SLC9A9: variants seen among roughly 807,000 people sequenced by gnomAD.
The protein encoded by SLC9A9 is sodium/hydrogen exchanger 9.
In SLC9A9, 62 loss-of-function variants were observed where a neutral mutation model predicts 77.8. The observed-to-expected ratio is 0.80, with a 90% CI of 0.65 to 0.98. The LOEUF (loss-of-function observed/expected upper bound fraction) is 0.98. Ranked by LOEUF, SLC9A9 falls within the 50% of genes least tolerant of loss-of-function variation. The pLI, the probability that SLC9A9 is intolerant of heterozygous loss-of-function variation, is 0.00. For synonymous variants in SLC9A9, 320 were observed against 283.5 expected (o/e 1.13, Z -1.29); for missense variants, 775 against 774.9 (o/e 1.00, Z 0.00).
At chr3:143,705,655 G>T (rs1390733876) in intron 4 of SLC9A9, among the ~76,000 whole-genome samples, 1 of 152,110 alleles carries the variant, frequency 6.6e-6, no homozygotes, top group Admixed American at 6.6e-5. Flanking sequence ...TCAGCTAAAA[G>T]GTCTTTTATG....
Position 143,574,178 on chromosome 3 carries a change from T to G in SLC9A9, c.910A>C (p.Lys304Gln). The G allele has an allele frequency of 6.2e-7, 1 of 1,613,042 alleles. No homozygotes were observed. The highest frequency in any genetic ancestry group is 8.5e-7 in the Non-Finnish European group (1 of 1,179,368). ...TCCAGCATCGGGAACTCACACAGCT[T>G]GGTAAATTTGGTCAAGTGAGGAAGA... Reference protein sequence around the residue: ...IITALLTKFTKLCEFPMLETG... With the variant: ...IITALLTKFTQLCEFPMLETG... Residue 304 changes from lysine (K) to glutamine (Q), a missense_variant, in exon 8 of 16, where the codon AAG becomes CAG. Coordinates refer to ENST00000316549, the MANE Select transcript of SLC9A9 (RefSeq NM_173653.4).
intron 12 of SLC9A9, among the ~76,000 whole-genome samples, chr3:143,413,780 CTGTGTGTGTGTGTG>C (rs3068538): frequency 1.5e-4 from 23 of 150,310 alleles, no homozygotes; most frequent in African/African-American, 4.2e-4. Flanking sequence ...GTATTATTAA[CTGTGTGTGTGTGTG>C]TGTGTGTGTG....
At chr3:143,386,602 T>C (rs2033432619) in intron 12 of SLC9A9, among the ~76,000 whole-genome samples, 1 of 152,226 alleles carries the variant, frequency 6.6e-6, no homozygotes, top group Non-Finnish European at 1.5e-5. Flanking sequence ...TTAGCAGCTA[T>C]TATTGATATT....
chr3:143,269,862 C>A (rs1305534203), intron 14 of SLC9A9, among the ~76,000 whole-genome samples: 1 of 152,104 alleles, frequency 6.6e-6, no homozygotes, highest in Non-Finnish European at 1.5e-5. Context: ...CATGAAGATC[C>A]GCAGCTGTGC....
intron 8 of SLC9A9, among the ~76,000 whole-genome samples, chr3:143,557,794 A>G (rs2037012797): frequency 6.6e-6 from 1 of 152,244 alleles, no homozygotes; most frequent in Non-Finnish European, 1.5e-5. Context: ...CTAAGCAGCA[A>G]AGCATTCAAG....
intron 8 of SLC9A9, among the ~76,000 whole-genome samples, chr3:143,562,608 T>C (rs1373225383): frequency 6.6e-6 from 1 of 151,636 alleles, no homozygotes; most frequent in Non-Finnish European, 1.5e-5. Context: ...TTGCATGTTT[T>C]GTTAGGCCTA....
chr3:143,284,070 A>C (rs1938305558), intron 14 of SLC9A9, among the ~76,000 whole-genome samples: 1 of 150,926 alleles, frequency 6.6e-6, no homozygotes, highest in East Asian at 1.9e-4. Flanking sequence ...TAAGTCACAG[A>C]TCCAGATTTA....
Position 143,315,327 on chromosome 3 carries a change from G to T in SLC9A9, c.1605-46347C>A, listed in dbSNP as rs144363478. ...AAAATTAGATCTTTGCAGAGATAGA[G>T]TTGGCTCATCCTGACAGGGCTGATG... On this transcript the variant is annotated intron_variant, in intron 14 of 15. Transcript: ENST00000316549. 5.3e-5 allele frequency among the ~76,000 whole-genome samples: 8 copies of T among 152,352 alleles called. No individual in the cohort carries two copies. The East Asian group carries it at 1.5e-3, about 29-fold the overall frequency.
At position 143,326,551 on chromosome 3, in the gene SLC9A9, G is replaced by A. The variant is rs937821647; in HGVS notation, c.1604+36933C>T. Among the ~76,000 whole-genome samples, 18 of 151,908 alleles carry A rather than the reference G, an allele frequency of 1.2e-4. No homozygotes were observed. In the Middle Eastern group the frequency reaches 0.01, roughly 86 times the overall value. On this transcript the variant is annotated intron_variant, in intron 14 of 15. Transcript: ENST00000316549. ...ACGTGCCCCCTCCCCCCAGGCCTTT[G>A]CATGTGCTGGTCCTTCTGCATGGGA...
chr3:143,575,418 G>A (rs1435169897), intron 7 of SLC9A9, among the ~76,000 whole-genome samples: 5 of 152,160 alleles, frequency 3.3e-5, no homozygotes, highest in Non-Finnish European at 7.4e-5. Context: ...TCAGAGGTCT[G>A]TAAACTAGTT....
intron 9 of SLC9A9, among the ~76,000 whole-genome samples, chr3:143,498,893 TA>T (rs1033828141): frequency 3.9e-5 from 6 of 152,204 alleles, no homozygotes; most frequent in African/African-American, 7.2e-5. Context: ...TTAGTTCATT[TA>T]AAAAATTATA....
intron 2 of SLC9A9, among the ~76,000 whole-genome samples, chr3:143,825,549 T>C (rs1360364743): frequency 6.6e-6 from 1 of 152,220 alleles, no homozygotes; most frequent in Admixed American, 6.5e-5. Context: ...AGCTCTAAAA[T>C]ATGTAGTATT....
intron 9 of SLC9A9, among the ~76,000 whole-genome samples, chr3:143,506,768 A>G (rs1016458578): frequency 6.6e-5 from 10 of 152,068 alleles, no homozygotes; most frequent in South Asian, 2.1e-4. Context: ...CAGTAAATCT[A>G]ATAGTACTGG....
chr3:143,473,827 T>C (rs1460856588), intron 11 of SLC9A9, among the ~76,000 whole-genome samples: 1 of 152,230 alleles, frequency 6.6e-6, no homozygotes, highest in Non-Finnish European at 1.5e-5. Flanking sequence ...CGAACTACTG[T>C]AGTGGTTTCA....
At chr3:143,402,763 T>C (rs992898329) in intron 12 of SLC9A9, among the ~76,000 whole-genome samples, 51 of 63,034 alleles carry the variant, frequency 8.1e-4, no homozygotes, top group African/African-American at 2.4e-3. Context: ...GTGAAATTAG[T>C]TTTTTTTTTT....
chr3:143,593,577 C>T lies in SLC9A9; in HGVS notation c.756-14854G>A, dbSNP rs145015281. Among the ~76,000 whole-genome samples, 942 of 152,156 alleles carry T rather than the reference C, an allele frequency of 6.2e-3. 8 individuals are homozygous for T. Among genetic ancestry groups the T allele is most frequent in the Non-Finnish European group, 9.8e-3 (668 of 68,018 alleles). On this transcript the variant is annotated intron_variant, in intron 6 of 15. Transcript: ENST00000316549. Reference sequence around the variant, plus strand: ...CATGCAAATAGAAACAGAGGTGATCCAGTGATAGGAGAGGAGAGTGTCATT... The same window carrying T: ...CATGCAAATAGAAACAGAGGTGATCTAGTGATAGGAGAGGAGAGTGTCATT...
chr3:143,537,129 A>G (rs992970650), intron 9 of SLC9A9, among the ~76,000 whole-genome samples: 1 of 152,212 alleles, frequency 6.6e-6, no homozygotes. Context: ...GGACCTCAGC[A>G]TCTGGTGTCC....
rs117469438 is a variant in SLC9A9, at chr3:143,637,023, G to A, written c.755+15232C>T. Reference sequence around the variant, plus strand: ...ATGAATGTAAATTCAAAAATAAGAAGTGACAGTTTCTCCAGATGAGAAGGA... The same window carrying A: ...ATGAATGTAAATTCAAAAATAAGAAATGACAGTTTCTCCAGATGAGAAGGA... On this transcript the variant is annotated intron_variant, in intron 6 of 15. Coordinates refer to ENST00000316549, the MANE Select transcript of SLC9A9 (RefSeq NM_173653.4). Among the ~76,000 whole-genome samples the A allele has an allele frequency of 1.3e-4, 20 of 152,220 alleles. No individual in the cohort carries two copies. In the East Asian group the frequency reaches 3.9e-3, roughly 29 times the overall value.
At chr3:143,344,857 G>C (rs1317737324) in intron 14 of SLC9A9, among the ~76,000 whole-genome samples, 1 of 115,488 alleles carries the variant, frequency 8.7e-6, no homozygotes, top group Non-Finnish European at 1.8e-5. Context: ...TGGTGTGTTG[G>C]AGGGAAAAAA....
Sources: allele counts gnomAD v4.1 joint callset (sites outside exome capture counted in the v4.1 genomes callset), GRCh38; gene constraint gnomAD v4.1.1; transcripts MANE v1.5; gene names NCBI Gene and HGNC (gene_info 2026-07-23, HGNC 2026-07-21).